Variants in CCDC7 observed in about 807,000 individuals in gnomAD.
CCDC7 encodes the protein coiled-coil domain containing 7, also known as coiled-coil domain-containing protein 7.
CCDC7 carries 183 observed loss-of-function variants against 196.9 expected under a neutral mutation model. The observed-to-expected ratio is 0.93, with a 90% confidence interval of 0.82 to 1.05. CCDC7 has a LOEUF of 1.05. CCDC7 is among the 50% of genes least tolerant of loss of function. CCDC7 has a pLI of 0.00. For missense variants in CCDC7, 1,540 were observed against 1,482.2 expected (o/e 1.04, Z -0.64); for synonymous variants, 525 against 484.6 (o/e 1.08, Z -1.10).
intron 24 of CCDC7, among the ~76,000 whole-genome samples, chr10:32,700,263 T>A (rs1487801351): frequency 1.3e-5 from 2 of 149,610 alleles, no homozygotes; most frequent in Non-Finnish European, 2.9e-5. Context: ...AGATTCAGCT[T>A]TCTCCATATG....
In CCDC7 at chr10:32,779,094, G is replaced by A. The variant is rs995234219; in HGVS notation, c.3013+10G>A. 7.9e-6 allele frequency: 12 copies of A among 1,516,620 alleles called. No homozygotes were observed. In the African/African-American group the frequency reaches 1.2e-4, roughly 16 times the overall value. 93.9% of individuals were successfully genotyped at this position (1,516,620 alleles called of 1,614,324 possible). A position where few individuals can be genotyped will look rare whatever the true frequency, so the allele number is the denominator to read the frequency against. On this transcript the variant is annotated intron_variant, in intron 29 of 41. Transcript: ENST00000639629. Reference sequence around the variant, plus strand: ...TTAAACAAAGTGGTCGGTAAGTATAGATTTATGTTTGGATACAGTAGAACA... The same window carrying A: ...TTAAACAAAGTGGTCGGTAAGTATAAATTTATGTTTGGATACAGTAGAACA...
intron 18 of CCDC7, among the ~76,000 whole-genome samples, chr10:32,630,324 G>A (rs1408376429): frequency 1.3e-5 from 2 of 150,066 alleles, no homozygotes; most frequent in Non-Finnish European, 3.0e-5. Flanking sequence ...ATATATGTGT[G>A]TGTGTATATA....
At chr10:32,627,492 G>T (rs1374425937) in intron 18 of CCDC7, among the ~76,000 whole-genome samples, 1 of 151,786 alleles carries the variant, frequency 6.6e-6, no homozygotes, top group African/African-American at 2.4e-5. Context: ...CTATTTGTAT[G>T]CCTTTTATTT....
At chr10:32,565,566 A>G in exon 14 of CCDC7, 1 of 1,609,106 alleles carries the variant, frequency 6.2e-7, no homozygotes, top group Non-Finnish European at 8.5e-7. Context: ...AGAAAGTAGC[A>G]CGTCTGGAAA....
At chr10:32,514,324 C>A (rs2046698803) in intron 9 of CCDC7, 1 of 152,106 alleles carries the variant, frequency 6.6e-6, no homozygotes, top group East Asian at 1.9e-4. Context: ...TAGGATGGGC[C>A]CTTAATCCAA....
intron 23 of CCDC7, among the ~76,000 whole-genome samples, chr10:32,689,649 T>C (rs2076851294): frequency 6.6e-6 from 1 of 152,160 alleles, no homozygotes; most frequent in South Asian, 2.1e-4. Flanking sequence ...GAATTTCTGG[T>C]AACCCCATAG....
intron 32 of CCDC7, among the ~76,000 whole-genome samples, chr10:32,828,559 A>AAGG (rs1565636072): frequency 3.8e-5 from 5 of 133,028 alleles, no homozygotes; most frequent in Non-Finnish European, 8.2e-5. Context: ...GAAGAAGAAG[A>AAGG]AAGAAGAAGA....
chr10:32,865,473 A>G (rs1171194745), intron 41 of CCDC7, among the ~76,000 whole-genome samples: 1 of 151,646 alleles, frequency 6.6e-6, no homozygotes, highest in Non-Finnish European at 1.5e-5. Context: ...CCAAATGTTG[A>G]TGAGAATGTG....
chr10:32,794,830 C>T (rs2083291773), intron 29 of CCDC7, among the ~76,000 whole-genome samples: 2 of 152,102 alleles, frequency 1.3e-5, no homozygotes, highest in South Asian at 4.1e-4. Flanking sequence ...AGACTTTTGT[C>T]AAATGCATAG....
At chr10:32,759,742 A>G (rs1300895601) in intron 28 of CCDC7, among the ~76,000 whole-genome samples, 1 of 152,214 alleles carries the variant, frequency 6.6e-6, no homozygotes, top group African/African-American at 2.4e-5. Flanking sequence ...AAATTGACAA[A>G]TGGGATCTAA....
intron 18 of CCDC7, among the ~76,000 whole-genome samples, chr10:32,588,555 AT>A (rs1262019921): frequency 6.6e-6 from 1 of 152,038 alleles, no homozygotes; most frequent in Non-Finnish European, 1.5e-5. Context: ...CCATTAGTCC[AT>A]TTTTCTAGTA....
At chr10:32,737,375 A>G (rs1029433230) in intron 28 of CCDC7, among the ~76,000 whole-genome samples, 2 of 152,104 alleles carry the variant, frequency 1.3e-5, no homozygotes, top group African/African-American at 4.8e-5. Context: ...TAAATGTATT[A>G]TGGAATGACA....
At chr10:32,633,213 GCACA>G (rs5784300) in intron 18 of CCDC7, among the ~76,000 whole-genome samples, 27,173 of 150,884 alleles carry the variant, frequency 0.18, 2,637 homozygotes, top group East Asian at 0.33. Flanking sequence ...GCGCGTGCAC[GCACA>G]CACACACACA....
chr10:32,640,452 CT>C (rs2066533120), intron 20 of CCDC7, among the ~76,000 whole-genome samples: 1 of 152,148 alleles, frequency 6.6e-6, no homozygotes, highest in Non-Finnish European at 1.5e-5. Flanking sequence ...TGGGTCTTGA[CT>C]CTTTATCCAA....
intron 33 of CCDC7, among the ~76,000 whole-genome samples, chr10:32,841,866 G>A (rs898899359): frequency 3.3e-5 from 5 of 151,892 alleles, no homozygotes; most frequent in South Asian, 2.1e-4. Flanking sequence ...AAAGGACACC[G>A]TATTCAACGA....
At chr10:32,790,499 G>A (rs1376322648) in intron 29 of CCDC7, among the ~76,000 whole-genome samples, 1 of 152,212 alleles carries the variant, frequency 6.6e-6, no homozygotes, top group East Asian at 1.9e-4. Context: ...GGTCCTGGCT[G>A]CTGTACTCAG....
intron 8 of CCDC7, among the ~76,000 whole-genome samples, chr10:32,490,816 GTTTTA>G (rs1474488691): frequency 6.6e-6 from 1 of 151,922 alleles, no homozygotes; most frequent in African/African-American, 2.4e-5. Flanking sequence ...AAAAGTTGGT[GTTTTA>G]TTTTATCATT....
chr10:32,517,924 T>C (rs368592923), intron 9 of CCDC7, 21 bp from the exon 11 acceptor site: 99 of 1,584,074 alleles, frequency 6.2e-5, no homozygotes, highest in Non-Finnish European at 8.0e-5. Context: ...ATAAACACAC[T>C]TTTTTTGGTT....
intron 24 of CCDC7, among the ~76,000 whole-genome samples, chr10:32,701,904 CTCTTT>C (rs1186817855): frequency 1.3e-5 from 2 of 152,076 alleles, no homozygotes; most frequent in African/African-American, 4.8e-5. Flanking sequence ...TGATTCTTCT[CTCTTT>C]TCTTCTTTAT....
Sources: allele counts gnomAD v4.1 joint callset (sites outside exome capture counted in the v4.1 genomes callset), GRCh38; gene constraint gnomAD v4.1.1; transcripts MANE v1.5; gene names NCBI Gene and HGNC (gene_info 2026-07-23, HGNC 2026-07-21).